ALMS1: variants seen among roughly 807,000 people sequenced by gnomAD.
ALMS1 encodes centrosome-associated protein ALMS1.
Under a neutral mutation model 352.2 loss-of-function variants are expected in ALMS1, and 271 were observed. The observed-to-expected ratio is 0.77, with a 90% confidence interval of 0.70 to 0.85. The LOEUF (loss-of-function observed/expected upper bound fraction) is 0.85, where lower values mean the gene tolerates loss of function less well. Among genes scored for constraint, ALMS1 ranks in the 40% least tolerant of loss-of-function variants. The probability of loss-of-function intolerance (pLI) is 0.00; values close to 1 mark genes in which losing one functional copy is unlikely to be tolerated. For missense variants in ALMS1, 5,445 were observed against 4,870.7 expected (o/e 1.12, Z -3.51); for synonymous variants, 1,865 against 1,761.2 (o/e 1.06, Z -1.48).
rs1002498593 is a variant in ALMS1, at chr2:73,609,739, C to T, written c.*127C>T. 3.1e-6 allele frequency: 3 copies of T among 958,740 alleles called. No homozygotes were observed. The highest frequency in any genetic ancestry group is 4.9e-6 in the Non-Finnish European group (3 of 606,628). 59.4% of individuals were successfully genotyped at this position (958,740 alleles called of 1,614,324 possible). A position where few individuals can be genotyped will look rare whatever the true frequency, so the allele number is the denominator to read the frequency against. On this transcript the variant is annotated 3_prime_UTR_variant, in exon 23 of 23. Coordinates refer to ENST00000613296, the MANE Select transcript of ALMS1 (RefSeq NM_001378454.1). Reference sequence around the variant, plus strand: ...TCCATGTGTATTTTAGAAATAGTAACTTCTAAAGAGTCTGGAACAAAGTGG... The same window carrying T: ...TCCATGTGTATTTTAGAAATAGTAATTTCTAAAGAGTCTGGAACAAAGTGG...
At position 73,572,297 on chromosome 2, in the gene ALMS1, C is replaced by T. The variant is rs759337193; in HGVS notation, c.10420C>T (p.Arg3474Cys). 41 of 1,607,850 alleles carry T rather than the reference C, an allele frequency of 2.5e-5. No individual in the cohort carries two copies. The highest frequency in any genetic ancestry group is 4.5e-5 in the South Asian group (4 of 89,462). Residue 3474 changes from arginine (R) to cysteine (C), a missense_variant, in exon 16 of 23, where the codon CGT (arginine) becomes TGT (cysteine). By Grantham distance (180) the Arg-to-Cys change is radical. Coordinates refer to ENST00000613296, the MANE Select transcript of ALMS1 (RefSeq NM_001378454.1). ...TCATTCAGAATTTGAAAATACTACCCGTTCTGTCTTCAGGTCAGCAAAGTT... is the reference window on the plus strand; with the variant it reads ...TCATTCAGAATTTGAAAATACTACCTGTTCTGTCTTCAGGTCAGCAAAGTT... ...ECHSEFENTT[R>C]SVFRSAKFYI...
intron 1 of ALMS1, among the ~76,000 whole-genome samples, chr2:73,386,400 C>G (rs988309909): frequency 6.6e-6 from 1 of 152,184 alleles, no homozygotes; most frequent in Non-Finnish European, 1.5e-5. Flanking sequence ...GTTTCCTCCC[C>G]CTCGGTGGGT....
In ALMS1 at chr2:73,453,831, C is replaced by T; in HGVS notation, c.7304C>T (p.Ser2435Phe). The T allele has an allele frequency of 6.2e-7, 1 of 1,614,108 alleles. No homozygotes were observed. The highest frequency in any genetic ancestry group is 8.5e-7 in the Non-Finnish European group (1 of 1,179,988). ...TCGTGGGACAGTAATTTACCAGAGT[C>T]TTTGGAATCAGTTTCTGATGTTCTT... ...SCSWDSNLPE[S>F]LESVSDVLLN... The change falls in exon 8 of 23, where the codon TCT becomes TTT. Residue 2435 changes from serine (S) to phenylalanine (F), a missense_variant. Transcript: ENST00000613296.
chr2:73,504,340 TAATC>T (rs2103926502), intron 10 of ALMS1, among the ~76,000 whole-genome samples: 1 of 152,334 alleles, frequency 6.6e-6, no homozygotes, highest in Non-Finnish European at 1.5e-5. Flanking sequence ...ACCGCCATCA[TAATC>T]AAGATACAGA....
At chr2:73,491,530 A>G in intron 10 of ALMS1, 32 bp downstream of exon 10, 2 of 1,607,982 alleles carry the variant, frequency 1.2e-6, no homozygotes, top group Non-Finnish European at 1.7e-6. Flanking sequence ...AGCAAGCTGG[A>G]TGGACTTTGT....
intron 11 of ALMS1, 80 bp downstream of exon 11, chr2:73,520,096 T>G: frequency 6.3e-7 from 1 of 1,579,958 alleles, no homozygotes; most frequent in South Asian, 1.1e-5. Flanking sequence ...GTTGTGTCTT[T>G]CTAGTCAGAA....
chr2:73,587,580 T>C (rs903383716), intron 16 of ALMS1, among the ~76,000 whole-genome samples: 26 of 152,226 alleles, frequency 1.7e-4, no homozygotes, highest in African/African-American at 6.3e-4. Context: ...GTATCACATT[T>C]ATTGACTTGT....
intron 1 of ALMS1, among the ~76,000 whole-genome samples, chr2:73,402,037 TGTGTGTGTGTGTGA>T (rs1670882849): frequency 7.4e-6 from 1 of 135,544 alleles, no homozygotes; most frequent in African/African-American, 3.0e-5. Flanking sequence ...GTGTGTTATG[TGTGTGTGTGTGTGA>T]GTGTGAGTGT....
intron 10 of ALMS1, among the ~76,000 whole-genome samples, chr2:73,509,665 G>A (rs1263010670): frequency 2.0e-5 from 3 of 152,192 alleles, no homozygotes; most frequent in Admixed American, 6.5e-5. Flanking sequence ...TGGGTAACCT[G>A]ACCTTTGTCT....
chr2:73,448,942 A>G lies in ALMS1; in HGVS notation c.2415A>G (p.Thr805=). The change falls in exon 8 of 23, where the codon ACA becomes ACG. Residue 805 remains threonine, a synonymous_variant. Transcript: ENST00000613296. ...CTGACCAGAAGACTGGCCTACCAACAGTACCCTCTAGTGCATACTCACACA... is the reference window on the plus strand; with the variant it reads ...CTGACCAGAAGACTGGCCTACCAACGGTACCCTCTAGTGCATACTCACACA... The part of the protein sequence containing the change: ...GPADQKTGLP[T]VPSSAYSHRE... The G allele has an allele frequency of 6.2e-7, 1 of 1,614,132 alleles. No individual in the cohort carries two copies. The highest frequency in any genetic ancestry group is 8.5e-7 in the Non-Finnish European group (1 of 1,179,978).
intron 12 of ALMS1, among the ~76,000 whole-genome samples, chr2:73,536,942 A>T (rs1406519186): frequency 6.6e-6 from 1 of 152,220 alleles, no homozygotes; most frequent in Non-Finnish European, 1.5e-5. Flanking sequence ...CAGCTCAGTG[A>T]TAGCCTTCAG....
chr2:73,387,400 A>G (rs182117072), intron 1 of ALMS1, among the ~76,000 whole-genome samples: 4 of 152,352 alleles, frequency 2.6e-5, no homozygotes, highest in Non-Finnish European at 4.4e-5. Flanking sequence ...AGCATAAAGT[A>G]AGATAATCTG....
chr2:73,586,802 G>T (rs1675322428), intron 16 of ALMS1, among the ~76,000 whole-genome samples: 1 of 152,158 alleles, frequency 6.6e-6, no homozygotes, highest in Non-Finnish European at 1.5e-5. Context: ...ATGGTATTTT[G>T]ATGGAAATTG....
chr2:73,451,220 A>G lies in ALMS1; in HGVS notation c.4693A>G (p.Thr1565Ala). The change falls in exon 8 of 23, where the codon ACC becomes GCC. Residue 1565 changes from threonine (T) to alanine (A), a missense_variant. Thr to Ala is a moderately conservative substitution (Grantham distance 58). Transcript: ENST00000613296. ...GPADQTTGIP[T>A]ITSTSYSFGE... The stretch of plus-strand genomic sequence containing the variant: ...AGCTGACCAGACAACTGGCATACCA[A>G]CCATAACCTCTACTTCCTACTCATT... 4.3e-6 allele frequency: 7 copies of G among 1,612,386 alleles called. No homozygotes were observed. The highest frequency in any genetic ancestry group is 5.9e-6 in the Non-Finnish European group (7 of 1,179,586).
chr2:73,485,515 C>G (rs1083921), intron 9 of ALMS1, among the ~76,000 whole-genome samples: 77,425 of 152,024 alleles, frequency 0.51, 22,701 homozygotes, highest in East Asian at 0.77. Flanking sequence ...GCAGAGGTTA[C>G]TGCTGCTTTT....
In ALMS1 at chr2:73,448,809, C is replaced by G. The variant is rs1282969653; in HGVS notation, c.2282C>G (p.Ser761Cys). 1 of 1,614,072 alleles carries G rather than the reference C, an allele frequency of 6.2e-7. No homozygotes were observed. Among genetic ancestry groups the G allele is most frequent in the South Asian group, 1.1e-5 (1 of 91,082 alleles). ...AAGACTGAGATACCAGCAGTACAGT[C>G]TAGTTCTTACTCACAAAGAGAAAAG... is the stretch of plus-strand genomic sequence containing the variant. ...DQKTEIPAVQ[S>C]SSYSQREKPS... Residue 761 changes from serine to cysteine, a missense_variant, in exon 8 of 23, where the codon TCT (serine) becomes TGT (cysteine). Ser to Cys is a moderately radical substitution (Grantham distance 112). Coordinates refer to ENST00000613296, the MANE Select transcript of ALMS1 (RefSeq NM_001378454.1).
chr2:73,511,057 A>C (rs2103943519), intron 10 of ALMS1, among the ~76,000 whole-genome samples: 1 of 152,244 alleles, frequency 6.6e-6, no homozygotes, highest in Non-Finnish European at 1.5e-5. Context: ...TGAATATCCT[A>C]GGTCGACTTC....
intron 7 of ALMS1, among the ~76,000 whole-genome samples, chr2:73,433,021 T>C (rs1250534602): frequency 6.6e-6 from 1 of 152,138 alleles, no homozygotes; most frequent in African/African-American, 2.4e-5. Context: ...AGCAAGATTA[T>C]CTGCTGAGGG....
chr2:73,523,892 A>C (rs1005020074), intron 11 of ALMS1, among the ~76,000 whole-genome samples: 5 of 152,228 alleles, frequency 3.3e-5, no homozygotes, highest in African/African-American at 1.2e-4. Flanking sequence ...CTAGGAGTCC[A>C]TCTAGAAATG....
Sources: allele counts gnomAD v4.1 joint callset (sites outside exome capture counted in the v4.1 genomes callset), GRCh38; gene constraint gnomAD v4.1.1; transcripts MANE v1.5; gene names NCBI Gene and HGNC (gene_info 2026-07-23, HGNC 2026-07-21).